The following RFC3 variants were observed in gnomAD, a reference collection of about 807,000 sequenced individuals.
The protein encoded by RFC3 is A1 38 kDa subunit.
In RFC3, 41 loss-of-function variants were observed where a neutral mutation model predicts 45.1. That is an observed-to-expected ratio of 0.91 (90% CI 0.71 to 1.18). The LOEUF is 1.18. RFC3 is among the 50% of genes most tolerant of loss of function. RFC3 has a pLI of 0.00. For synonymous variants in RFC3, 149 were observed against 144.0 expected (o/e 1.03, Z -0.25); for missense variants, 423 against 428.1 (o/e 0.99, Z 0.10).
At chr13:33,819,303 C>T (rs924963729) in intron 1 of RFC3, among the ~76,000 whole-genome samples, 1 of 152,162 alleles carries the variant, frequency 6.6e-6, no homozygotes, top group Non-Finnish European at 1.5e-5. Context: ...ACTGAATCTT[C>T]CAGGGAGTAG....
At chr13:33,853,705 G>T (rs1317592963) in intron 8 of RFC3, among the ~76,000 whole-genome samples, 1 of 152,160 alleles carries the variant, frequency 6.6e-6, no homozygotes, top group Non-Finnish European at 1.5e-5. Flanking sequence ...TGCTTTTAAA[G>T]AGGGAAATAC....
At chr13:33,831,893 G>A (rs1198692036) in intron 7 of RFC3, among the ~76,000 whole-genome samples, 1 of 152,116 alleles carries the variant, frequency 6.6e-6, no homozygotes, top group African/African-American at 2.4e-5. Context: ...TTGTTGTGAA[G>A]AGCAAAAGAG....
At chr13:33,863,077 A>G (rs146941276) in intron 8 of RFC3, among the ~76,000 whole-genome samples, 1 of 152,296 alleles carries the variant, frequency 6.6e-6, no homozygotes, top group Admixed American at 6.5e-5. Flanking sequence ...TTTGCTGGTT[A>G]GTTGGTTAGC....
intron 8 of RFC3, among the ~76,000 whole-genome samples, chr13:33,873,425 T>G (rs2082425337): frequency 6.6e-6 from 1 of 152,244 alleles, no homozygotes; most frequent in South Asian, 2.1e-4. Context: ...CCAAATACTC[T>G]GCTGTTTTGA....
intron 8 of RFC3, among the ~76,000 whole-genome samples, chr13:33,867,405 G>A (rs1330015138): frequency 2.0e-5 from 3 of 152,136 alleles, no homozygotes; most frequent in African/African-American, 7.2e-5. Flanking sequence ...AGTACCTCAA[G>A]GAGAAATGCT....
At chr13:33,953,577 A>G (rs1197624782) in intron 8 of RFC3, among the ~76,000 whole-genome samples, 2 of 152,190 alleles carry the variant, frequency 1.3e-5, no homozygotes, top group Non-Finnish European at 2.9e-5. Flanking sequence ...CTAAGGAACA[A>G]AAATGATTGC....
chr13:33,897,328 G>A (rs2082606798), intron 8 of RFC3, among the ~76,000 whole-genome samples: 1 of 151,634 alleles, frequency 6.6e-6, no homozygotes, highest in Non-Finnish European at 1.5e-5. Flanking sequence ...TGTGATCTAA[G>A]ATAAGTCATC....
At chr13:33,969,650 G>T (rs2137882665), downstream of RFC3, among the ~76,000 whole-genome samples, 1 of 152,296 alleles carries the variant, frequency 6.6e-6, no homozygotes, top group Middle Eastern at 3.4e-3. Context: ...GAGCACAATA[G>T]AAAGATTCGA....
At position 33,823,971 on chromosome 13, in the gene RFC3, G is replaced by A; in HGVS notation, c.280G>A (p.Glu94Lys). 6.5e-7 allele frequency: 1 copy of A among 1,548,802 alleles called. No individual in the cohort carries two copies. Among genetic ancestry groups the A allele is most frequent in the Non-Finnish European group, 8.9e-7 (1 of 1,128,608 alleles). Residue 94 changes from glutamate to lysine, a missense_variant, in exon 3 of 9, where the codon GAA becomes AAA. Glu to Lys is a moderately conservative substitution (Grantham distance 56, BLOSUM62 1). Transcript: ENST00000380071. Reference sequence around the variant, plus strand: ...CACCATTGCAAGTAACTACCACCTTGAAGTTAATCCTAGGTAAGTTACTAC... The same window carrying A: ...CACCATTGCAAGTAACTACCACCTTAAAGTTAATCCTAGGTAAGTTACTAC... Reference protein sequence around the residue: ...ISTIASNYHLEVNPSDAGNSD... With the variant: ...ISTIASNYHLKVNPSDAGNSD...
chr13:33,925,099 A>G (rs1253685165), intron 8 of RFC3, among the ~76,000 whole-genome samples: 4 of 148,050 alleles, frequency 2.7e-5, no homozygotes, highest in Non-Finnish European at 5.9e-5. Context: ...ATAGTGTACT[A>G]TATACACGCA....
chr13:33,957,888 T>C (rs1347745902), intron 8 of RFC3, among the ~76,000 whole-genome samples: 1 of 152,124 alleles, frequency 6.6e-6, no homozygotes, highest in Non-Finnish European at 1.5e-5. Context: ...TTTTTACAGG[T>C]TGTTCCTGAA....
intron 8 of RFC3, among the ~76,000 whole-genome samples, chr13:33,904,368 G>A (rs1217095289): frequency 6.6e-6 from 1 of 151,928 alleles, no homozygotes; most frequent in African/African-American, 2.4e-5. Flanking sequence ...GTTTTCTTAT[G>A]AGCATCTTTC....
At chr13:33,897,888 C>T (rs745412393) in intron 8 of RFC3, among the ~76,000 whole-genome samples, 1 of 151,800 alleles carries the variant, frequency 6.6e-6, no homozygotes, top group Admixed American at 6.6e-5. Context: ...TATCTATGTA[C>T]CCATCACCAG....
At chr13:33,891,709 A>G (rs2082564395) in intron 8 of RFC3, among the ~76,000 whole-genome samples, 1 of 152,132 alleles carries the variant, frequency 6.6e-6, no homozygotes, top group Non-Finnish European at 1.5e-5. Flanking sequence ...ACAACTATAT[A>G]ATATCAAACA....
chr13:33,945,949 T>C (rs1404294668), intron 8 of RFC3, among the ~76,000 whole-genome samples: 1 of 152,224 alleles, frequency 6.6e-6, no homozygotes. Context: ...ATGGTTTCTT[T>C]GTGATATGCC....
In RFC3 at chr13:33,903,406, C is replaced by A. The variant is rs577088703; in HGVS notation, c.880-62681C>A. Among the ~76,000 whole-genome samples, 5 of 152,156 alleles carry A rather than the reference C, an allele frequency of 3.3e-5. No homozygotes were observed. In the South Asian group the frequency reaches 1.0e-3, roughly 32 times the overall value. On this transcript the variant is annotated intron_variant, in intron 8 of 8. Transcript: ENST00000434425. ...AATCTCAGAAGCATAGGTCATAGTACAATGTAATATAACTCGTGATAAGTT... is the reference window on the plus strand; with the variant it reads ...AATCTCAGAAGCATAGGTCATAGTAAAATGTAATATAACTCGTGATAAGTT...
intron 8 of RFC3, among the ~76,000 whole-genome samples, chr13:33,909,329 C>T (rs1038135070): frequency 6.6e-5 from 10 of 151,962 alleles, no homozygotes; most frequent in African/African-American, 2.4e-4. Flanking sequence ...CCACCCTGGT[C>T]CCTGACCTCC....
chr13:33,952,181 G>T (rs1221888025), intron 8 of RFC3, among the ~76,000 whole-genome samples: 1 of 152,224 alleles, frequency 6.6e-6, no homozygotes, highest in Admixed American at 6.5e-5. Flanking sequence ...GCAGTCAATA[G>T]ACTTGAACAC....
intron 8 of RFC3, among the ~76,000 whole-genome samples, chr13:33,844,235 G>A (rs1248481108): frequency 6.6e-6 from 1 of 152,118 alleles, no homozygotes; most frequent in Admixed American, 6.5e-5. Flanking sequence ...TAGTCTTCTG[G>A]TTCTTTAATC....
Sources: allele counts gnomAD v4.1 joint callset (sites outside exome capture counted in the v4.1 genomes callset), GRCh38; gene constraint gnomAD v4.1.1; transcripts MANE v1.5; gene names NCBI Gene and HGNC (gene_info 2026-07-23, HGNC 2026-07-21).